GCN1: variants seen among roughly 807,000 people sequenced by gnomAD.
GCN1 encodes the protein GCN1 activator of EIF2AK4.
In GCN1, 90 loss-of-function variants were observed where a neutral mutation model predicts 288.4. The observed-to-expected ratio is 0.31, with a 90% CI of 0.26 to 0.37. The LOEUF is 0.37. GCN1 is among the 10% of genes least tolerant of loss of function. The probability of loss-of-function intolerance (pLI) is 1.00; values close to 1 mark genes in which losing one functional copy is unlikely to be tolerated. For synonymous variants in GCN1, 1,386 were observed against 1,420.2 expected (o/e 0.98, Z 0.54); for missense variants, 2,586 against 3,419.9 (o/e 0.76, Z 6.08).
chr12:120,176,226 G>A lies in GCN1; in HGVS notation c.839-9C>T. The A allele has an allele frequency of 6.9e-6, 11 of 1,584,354 alleles. No homozygotes were observed. Among genetic ancestry groups the A allele is most frequent in the Non-Finnish European group, 9.5e-6 (11 of 1,152,984 alleles). On this transcript the variant is annotated splice_polypyrimidine_tract_variant and intron_variant, in intron 9 of 57. Transcript: ENST00000300648. ...CAGCAGACTAGAAATAGCTAAGGGG[G>A]ACAGAAAGCACTGACCATGTCAGTC...
chr12:120,138,890 G>A, intron 45 of GCN1, 34 bp from the exon 46 acceptor site: 1 of 1,574,064 alleles, frequency 6.4e-7, no homozygotes, highest in South Asian at 1.1e-5. Flanking sequence ...ACCAGATGCA[G>A]GAAAGGCAAA....
chr12:120,165,422 G>A (rs1354214384), intron 16 of GCN1, among the ~76,000 whole-genome samples: 6 of 151,634 alleles, frequency 4.0e-5, no homozygotes, highest in Middle Eastern at 3.2e-3. Context: ...CACCTGCCTC[G>A]GTCTCCCAAA....
rs1245284187 is a variant in GCN1 at position 120,170,178 on chromosome 12, A to C, written c.1510T>G (p.Ser504Ala). Residue 504 changes from serine to alanine, a missense_variant, in exon 15 of 58, where the codon TCA (serine) becomes GCA (alanine). Ser to Ala is a moderately conservative substitution (Grantham distance 99). Coordinates refer to ENST00000300648, the MANE Select transcript of GCN1 (RefSeq NM_006836.2). Reference protein sequence around the residue: ...LLLLKLSVADSQAEAKLSSFW... With the variant: ...LLLLKLSVADAQAEAKLSSFW... The stretch of plus-strand genomic sequence containing the variant: ...ACCTCTGGACTCATACCAGCCTGTG[A>C]GTCAGCCACTGACAACTTTAAGAGC... 1 of 1,614,058 alleles carries C rather than the reference A, an allele frequency of 6.2e-7. No individual in the cohort carries two copies. The highest frequency in any genetic ancestry group is 2.2e-5 in the East Asian group (1 of 44,888).
chr12:120,143,237 A>G (rs2139093395), intron 42 of GCN1, among the ~76,000 whole-genome samples: 1 of 152,370 alleles, frequency 6.6e-6, no homozygotes, highest in South Asian at 2.1e-4. Flanking sequence ...TTAACAGGCA[A>G]GTAGGAAGAC....
chr12:120,173,831 G>T lies in GCN1; in HGVS notation c.1193-5C>A. 6.2e-7 allele frequency: 1 copy of T among 1,611,126 alleles called. No homozygotes were observed. The highest frequency in any genetic ancestry group is 8.5e-7 in the Non-Finnish European group (1 of 1,178,326). ...GTACCAAGGTCCCTTCATGAACTAG[G>T]GCAAAAAGCAGAAGTCCAGTCAGTC... On this transcript the variant is annotated splice_region_variant and splice_polypyrimidine_tract_variant and intron_variant, in intron 13 of 57. Coordinates refer to ENST00000300648, the MANE Select transcript of GCN1 (RefSeq NM_006836.2).
At chr12:120,181,043 A>T (rs187001799) in intron 5 of GCN1, among the ~76,000 whole-genome samples, 20 of 152,300 alleles carry the variant, frequency 1.3e-4, no homozygotes, top group Middle Eastern at 6.8e-3. Context: ...TGCTTGTGGA[A>T]AGCAATGCTG....
chr12:120,174,334 C>T (rs1878404345), intron 12 of GCN1, among the ~76,000 whole-genome samples, 165 bp from the exon 13 acceptor site: 1 of 152,196 alleles, frequency 6.6e-6, no homozygotes, highest in Non-Finnish European at 1.5e-5. Flanking sequence ...GCCCCCTCTA[C>T]ACCTCCTGCC....
In GCN1 at chr12:120,178,842, GT is replaced by G; in HGVS notation, c.525+9del. 6.2e-7 allele frequency: 1 copy of G among 1,613,874 alleles called. No homozygotes were observed. The highest frequency in any genetic ancestry group is 8.5e-7 in the Non-Finnish European group (1 of 1,179,724). On this transcript the variant is annotated intron_variant, in intron 6 of 57. Coordinates refer to ENST00000300648, the MANE Select transcript of GCN1 (RefSeq NM_006836.2). The stretch of plus-strand genomic sequence containing the variant: ...GAAGCAATGCCCACCAGCCCCTGCA[GT>G]CCTGTCACCTCTTTCCACAGCTTCG...
chr12:120,127,593 A>G lies in GCN1; in HGVS notation c.*256T>C. The G allele has an allele frequency of 2.4e-6, 1 of 423,520 alleles. No homozygotes were observed. The highest frequency in any genetic ancestry group is 2.6e-5 in the South Asian group (1 of 38,698). The allele number at this position is 423,520 out of a possible 1,614,324, so 26.2% of individuals were successfully genotyped here. A position where few individuals can be genotyped will look rare whatever the true frequency, so the allele number is the denominator to read the frequency against. On this transcript the variant is annotated 3_prime_UTR_variant, in exon 58 of 58. Transcript: ENST00000300648. ...CCTAGCCATGCTAAACTGGACAAAC[A>G]GCTCCTGGGCTGCCATTTGCTGAGG... is the stretch of plus-strand genomic sequence containing the variant.
At chr12:120,151,473 G>A (rs1877552878) in intron 33 of GCN1, 82 bp from the exon 34 acceptor site, 6 of 1,417,596 alleles carry the variant, frequency 4.2e-6, no homozygotes, top group Non-Finnish European at 5.8e-6. Flanking sequence ...ATTCTACACA[G>A]CACCCACCAC....
intron 1 of GCN1, among the ~76,000 whole-genome samples, chr12:120,192,218 T>C (rs1404183378): frequency 6.6e-6 from 1 of 152,206 alleles, no homozygotes; most frequent in African/African-American, 2.4e-5. Flanking sequence ...AGGTATTCCA[T>C]CAAATTCCAC....
intron 45 of GCN1, among the ~76,000 whole-genome samples, chr12:120,140,172 C>T (rs1372877378): frequency 6.6e-6 from 1 of 152,180 alleles, no homozygotes; most frequent in African/African-American, 2.4e-5. Flanking sequence ...GACAAGGATG[C>T]CCAAGCCAAG....
chr12:120,173,867 T>C, intron 13 of GCN1, 41 bp from the exon 14 acceptor site: 2 of 1,547,992 alleles, frequency 1.3e-6, no homozygotes, highest in Non-Finnish European at 1.8e-6. Flanking sequence ...CAATGTCTTA[T>C]AACCATGTCA....
intron 24 of GCN1, 66 bp downstream of exon 24, chr12:120,159,759 C>G: frequency 7.2e-7 from 1 of 1,390,944 alleles, no homozygotes; most frequent in Non-Finnish European, 1.0e-6. Flanking sequence ...CACTCAGGGG[C>G]ACACCCTGTC....
intron 12 of GCN1, 78 bp from the exon 13 acceptor site, chr12:120,174,247 G>C (rs1013679375): frequency 1.2e-6 from 1 of 804,100 alleles, no homozygotes; most frequent in African/African-American, 1.7e-5. Context: ...TGCCACCTCC[G>C]CACTCTGGGT....
At chr12:120,131,573 G>A (rs577805992) in intron 54 of GCN1, among the ~76,000 whole-genome samples, 1 of 152,200 alleles carries the variant, frequency 6.6e-6, no homozygotes, top group African/African-American at 2.4e-5. Flanking sequence ...TGTGTTCTTT[G>A]AGCAGAGACA....
Position 120,169,276 on chromosome 12 carries a change from C to CAAAAAAAAAAA in GCN1, c.1519+882_1519+892dup, listed in dbSNP as rs35819206. On this transcript the variant is annotated intron_variant, in intron 15 of 57. Coordinates refer to ENST00000300648, the MANE Select transcript of GCN1 (RefSeq NM_006836.2). The stretch of plus-strand genomic sequence containing the variant: ...TGGGCGACAGAGCGAAACTCCGTCT[C>CAAAAAAAAAAA]AAAAAAAAAAAAAAAAAAAGAAAAA... Among the ~76,000 whole-genome samples, 457 of 66,306 alleles carry CAAAAAAAAAAA rather than the reference C, an allele frequency of 6.9e-3. 10 individuals are homozygous for CAAAAAAAAAAA. The highest frequency in any genetic ancestry group is 0.029 in the African/African-American group (428 of 14,750). 43.5% of individuals were successfully genotyped at this position (66,306 alleles called of 152,430 possible).
chr12:120,175,621 G>A (rs746820809), intron 11 of GCN1, 125 bp downstream of exon 11: 15 of 963,394 alleles, frequency 1.6e-5, no homozygotes, highest in East Asian at 2.7e-5. Context: ...CCAGTGTGAC[G>A]TCCCCCTGGC....
intron 54 of GCN1, 30 bp from the exon 55 acceptor site, chr12:120,131,363 C>A: frequency 6.2e-7 from 1 of 1,609,704 alleles, no homozygotes; most frequent in South Asian, 1.1e-5. Flanking sequence ...TGGGATCAAC[C>A]GGTATTTTAC....
Sources: allele counts gnomAD v4.1 joint callset (sites outside exome capture counted in the v4.1 genomes callset), GRCh38; gene constraint gnomAD v4.1.1; transcripts MANE v1.5; gene names NCBI Gene and HGNC (gene_info 2026-07-23, HGNC 2026-07-21).